The following AKAP19 variants were observed in gnomAD, a reference collection of about 807,000 sequenced individuals.
AKAP19 encodes the protein small A-kinase anchoring protein.
the AKAP19 span, among the ~76,000 whole-genome samples, chr2:189,974,138 C>T: frequency 3.3e-4 from 50 of 152,198 alleles, no homozygotes; most frequent in African/African-American, 1.2e-3. Context: ...TTTCCCTCTA[C>T]ACACTGCTTT....
At chr2:190,150,356 G>T in the AKAP19 span, 1 of 152,178 alleles carries the variant, frequency 6.6e-6, no homozygotes, top group Non-Finnish European at 1.5e-5. Context: ...GGCAGGAATG[G>T]CCTGCTAGGG....
chr2:190,043,503 T>C, the AKAP19 span, among the ~76,000 whole-genome samples: 1 of 152,228 alleles, frequency 6.6e-6, no homozygotes, highest in Admixed American at 6.5e-5. Flanking sequence ...TGTGACTACA[T>C]TGTGAAAATC....
At chr2:190,003,749 A>G in the AKAP19 span, among the ~76,000 whole-genome samples, 7 of 152,052 alleles carry the variant, frequency 4.6e-5, no homozygotes, top group Non-Finnish European at 8.8e-5. Context: ...CTGTAATCCC[A>G]GCTACTGCTC....
At chr2:190,043,659 T>C in the AKAP19 span, among the ~76,000 whole-genome samples, 1 of 152,238 alleles carries the variant, frequency 6.6e-6, no homozygotes, top group Non-Finnish European at 1.5e-5. Flanking sequence ...AGTGATCTTT[T>C]TTCCTATCCA....
the AKAP19 span, among the ~76,000 whole-genome samples, chr2:190,087,593 T>A: frequency 6.6e-6 from 1 of 152,166 alleles, no homozygotes; most frequent in Admixed American, 6.5e-5. Context: ...CCTTTAACCA[T>A]TCCTCAAATT....
the AKAP19 span, among the ~76,000 whole-genome samples, chr2:189,900,293 A>C: frequency 6.6e-6 from 1 of 152,144 alleles, no homozygotes; most frequent in Admixed American, 6.5e-5. Context: ...AGAACAAAGA[A>C]TGCGACTTTT....
At chr2:189,915,617 T>A in the AKAP19 span, among the ~76,000 whole-genome samples, 2 of 152,142 alleles carry the variant, frequency 1.3e-5, no homozygotes, top group Non-Finnish European at 2.9e-5. Flanking sequence ...TTAGAGGGTT[T>A]TAAGACTTCA....
the AKAP19 span, among the ~76,000 whole-genome samples, chr2:190,078,332 C>T: frequency 2.0e-5 from 3 of 151,922 alleles, no homozygotes; most frequent in African/African-American, 7.3e-5. Context: ...TATATTTTAC[C>T]CTATGTTCTA....
At chr2:190,112,589 C>A in the AKAP19 span, among the ~76,000 whole-genome samples, 1 of 151,924 alleles carries the variant, frequency 6.6e-6, no homozygotes, top group African/African-American at 2.4e-5. Flanking sequence ...TTCTTATAAG[C>A]TTTTTATTAT....
chr2:189,933,657 C>T, the AKAP19 span, among the ~76,000 whole-genome samples: 1 of 152,132 alleles, frequency 6.6e-6, no homozygotes, highest in Non-Finnish European at 1.5e-5. Flanking sequence ...ATGTTAACTA[C>T]ATACCATGAA....
chr2:190,052,787 G>A, the AKAP19 span, among the ~76,000 whole-genome samples: 15 of 152,080 alleles, frequency 9.9e-5, no homozygotes, highest in Non-Finnish European at 1.6e-4. Context: ...TACATTTTTG[G>A]TTTAAAGTTA....
chr2:190,070,665 T>A, the AKAP19 span, among the ~76,000 whole-genome samples: 3 of 144,302 alleles, frequency 2.1e-5, no homozygotes, highest in Non-Finnish European at 4.5e-5. Flanking sequence ...GAATAAAATA[T>A]GTAAGTAAGA....
chr2:190,086,824 T>C, the AKAP19 span, among the ~76,000 whole-genome samples: 1 of 152,214 alleles, frequency 6.6e-6, no homozygotes, highest in African/African-American at 2.4e-5. Flanking sequence ...ACCACCACTT[T>C]TCCCACTTTA....
At chr2:190,197,153 G>A in the AKAP19 span, among the ~76,000 whole-genome samples, 1 of 152,028 alleles carries the variant, frequency 6.6e-6, no homozygotes, top group South Asian at 2.1e-4. This position sits in a 1 kb window ranked among gnomAD's most constrained non-coding sequence, Gnocchi z 4.0. Context: ...ATCACGTTGG[G>A]GATTAGGTTT....
chr2:190,116,597 G>T, the AKAP19 span, among the ~76,000 whole-genome samples: 2 of 152,034 alleles, frequency 1.3e-5, no homozygotes, highest in Non-Finnish European at 2.9e-5. Flanking sequence ...CATCCTCACC[G>T]CCATTTTCTG....
At chr2:190,007,682 C>T in the AKAP19 span, among the ~76,000 whole-genome samples, 2 of 152,152 alleles carry the variant, frequency 1.3e-5, no homozygotes, top group Admixed American at 6.5e-5. Flanking sequence ...GAATGCTGGC[C>T]AGGCGCGGTG....
At chr2:190,061,636 T>G in the AKAP19 span, among the ~76,000 whole-genome samples, 2 of 152,070 alleles carry the variant, frequency 1.3e-5, no homozygotes, top group Admixed American at 6.6e-5. Context: ...CTATGTTTAC[T>G]TCATTATTGT....
At chr2:189,940,068 A>G in the AKAP19 span, among the ~76,000 whole-genome samples, 1 of 152,254 alleles carries the variant, frequency 6.6e-6, no homozygotes, top group East Asian at 1.9e-4. Context: ...TCACAAGGTC[A>G]GGAGATCGAG....
the AKAP19 span, among the ~76,000 whole-genome samples, chr2:189,974,242 T>C: frequency 3.2e-4 from 48 of 152,336 alleles, no homozygotes; most frequent in Admixed American, 9.8e-4. Context: ...TATGACCCAG[T>C]AGTCATCCAG....
Sources: gnomAD v4.1 joint callset for allele counts (sites outside exome capture counted in the v4.1 genomes callset) on GRCh38, gnomAD v4.1.1 for gene constraint, Gnocchi (gnomAD v3.1) non-coding constraint, MANE v1.5 for transcripts, NCBI Gene and HGNC (gene_info 2026-07-23, HGNC 2026-07-21) for gene names.